The following OR6N1 variants were observed in gnomAD, a reference collection of about 807,000 sequenced individuals.
The protein encoded by OR6N1 is olfactory receptor 6N1.
For missense variants in OR6N1, 394 were observed against 371.7 expected (o/e 1.06, Z -0.49); for synonymous variants, 170 against 150.7 (o/e 1.13, Z -0.94).
In OR6N1 at chr1:158,765,543, T is replaced by C. The variant is rs1433410373; in HGVS notation, c.*201A>G. ...ATGTTGAAGGGATGTGTACTTTCCCTAGTCTCTGGTCTCAAGCCAAATGTG... is the reference window on the plus strand; with the variant it reads ...ATGTTGAAGGGATGTGTACTTTCCCCAGTCTCTGGTCTCAAGCCAAATGTG... On this transcript the variant is annotated 3_prime_UTR_variant, in exon 2 of 2. Transcript: ENST00000641846. 1.8e-6 allele frequency: 1 copy of C among 545,240 alleles called. No homozygotes were observed. Among genetic ancestry groups the C allele is most frequent in the East Asian group, 2.9e-5 (1 of 34,732 alleles). The allele number at this position is 545,240 out of a possible 1,614,324, so 33.8% of individuals were successfully genotyped here.
Position 158,766,136 on chromosome 1 carries a change from G to A in OR6N1, c.547C>T (p.Pro183Ser). 3 of 1,614,192 alleles carry A rather than the reference G, an allele frequency of 1.9e-6. No homozygotes were observed. The highest frequency in any genetic ancestry group is 2.5e-6 in the Non-Finnish European group (3 of 1,180,042). Residue 183 changes from proline (P) to serine (S), a missense_variant, in exon 2 of 2, where the codon CCT becomes TCT. Transcript: ENST00000641846. ...TCAGTGCAAGCCAAACTCAGCACAGGAGGGAAGTCACAAAAGACGTGCTGA... is the reference window on the plus strand; with the variant it reads ...TCAGTGCAAGCCAAACTCAGCACAGAAGGGAAGTCACAAAAGACGTGCTGA... Reference protein sequence around the residue: ...RIQHVFCDFPPVLSLACTDTS... With the variant: ...RIQHVFCDFPSVLSLACTDTS...
At chr1:158,797,886 T>C in the OR6N1 span, among the ~76,000 whole-genome samples, 1 of 152,196 alleles carries the variant, frequency 6.6e-6, no homozygotes, top group African/African-American at 2.4e-5. Flanking sequence ...TAGATAGAAC[T>C]CACTTATTAA....
chr1:158,823,843 T>A, the OR6N1 span, among the ~76,000 whole-genome samples: 5 of 152,188 alleles, frequency 3.3e-5, no homozygotes, highest in African/African-American at 7.2e-5. Flanking sequence ...GATGAGGGCA[T>A]TTAGTGCTAT....
the OR6N1 span, among the ~76,000 whole-genome samples, chr1:158,829,140 G>T: frequency 6.6e-6 from 1 of 152,246 alleles, no homozygotes; most frequent in East Asian, 1.9e-4. Flanking sequence ...TCCCTGACAC[G>T]CCCTGGAGAT....
the OR6N1 span, among the ~76,000 whole-genome samples, chr1:158,813,573 T>C: frequency 6.6e-6 from 1 of 152,150 alleles, no homozygotes; most frequent in Non-Finnish European, 1.5e-5. Context: ...AGTTGTTTCC[T>C]ATTGTGAATA....
chr1:158,824,971 C>T, the OR6N1 span, among the ~76,000 whole-genome samples: 67 of 152,198 alleles, frequency 4.4e-4, no homozygotes, highest in Admixed American at 1.6e-3. Context: ...ACAAATGAAA[C>T]CTAGTTAAAG....
upstream of OR6N1, among the ~76,000 whole-genome samples, chr1:158,773,421 T>C (rs746314581): frequency 3.3e-5 from 5 of 152,166 alleles, no homozygotes; most frequent in African/African-American, 4.8e-5. Flanking sequence ...TCTGTCAGTT[T>C]CATTTCAATT....
chr1:158,779,560 T>C, the OR6N1 span, among the ~76,000 whole-genome samples: 2 of 152,260 alleles, frequency 1.3e-5, no homozygotes, highest in Admixed American at 1.3e-4. Context: ...CTGGGTTTGA[T>C]ATTTTAGAAT....
the OR6N1 span, chr1:158,781,048 TCA>T: frequency 6.6e-6 from 1 of 152,216 alleles, no homozygotes. Context: ...GTTGCTTAAC[TCA>T]CATTTTCACT....
chr1:158,777,672 G>T, the OR6N1 span: 1 of 1,355,204 alleles, frequency 7.4e-7, no homozygotes, highest in Non-Finnish European at 1.0e-6. Flanking sequence ...AGAAAACATT[G>T]GATTGAGATG....
At chr1:158,769,033 T>G (rs1393928958) in intron 1 of OR6N1, among the ~76,000 whole-genome samples, 3 of 152,220 alleles carry the variant, frequency 2.0e-5, no homozygotes, top group African/African-American at 7.2e-5. Context: ...TAGTTACAAC[T>G]CAATAAATAT....
the OR6N1 span, among the ~76,000 whole-genome samples, chr1:158,829,129 G>A: frequency 2.0e-3 from 312 of 152,266 alleles, 2 homozygotes; most frequent in African/African-American, 6.9e-3. Context: ...TGCTATACAC[G>A]TCCCTGACAC....
the OR6N1 span, among the ~76,000 whole-genome samples, chr1:158,817,165 G>A: frequency 6.6e-6 from 1 of 152,164 alleles, no homozygotes; most frequent in African/African-American, 2.4e-5. Context: ...AGAAATATAA[G>A]AAGCAAAAAT....
upstream of OR6N1, chr1:158,777,073 G>C: frequency 6.2e-7 from 1 of 1,614,088 alleles, no homozygotes. Flanking sequence ...GTCCTTGCAG[G>C]CCAAGCTCAG....
chr1:158,799,269 G>A, the OR6N1 span, among the ~76,000 whole-genome samples: 9 of 152,210 alleles, frequency 5.9e-5, no homozygotes, highest in East Asian at 1.7e-3. Context: ...AAGAAATGAC[G>A]AACGTACCCA....
rs1279754938 is a variant in OR6N1 at position 158,766,344 on chromosome 1, A to T, written c.339T>A (p.Tyr113Ter). The change falls in exon 2 of 2, where the codon TAT becomes TAA. Residue 113 changes from tyrosine to a stop codon, truncating the protein, a stop_gained. Coordinates refer to ENST00000641846, the MANE Select transcript of OR6N1 (RefSeq NM_001005185.2). LOFTEE classifies it low-confidence loss of function (END_TRUNC). ...FFHSLGATEC[Y>*]LLTAMAYDRY... ...TATCGTAGGCCATAGCTGTCAGGAG[A>T]TAGCACTCAGTCGCTCCAAGGGAGT... 13 of 1,613,992 alleles carry T rather than the reference A, an allele frequency of 8.1e-6. No homozygotes were observed. Among genetic ancestry groups the T allele is most frequent in the Non-Finnish European group, 1.1e-5 (13 of 1,180,034 alleles).
chr1:158,799,223 T>G, the OR6N1 span, among the ~76,000 whole-genome samples: 3 of 152,166 alleles, frequency 2.0e-5, no homozygotes, highest in African/African-American at 7.2e-5. Flanking sequence ...GGAGAAAGCT[T>G]AAAAAGACTG....
intron 1 of OR6N1, among the ~76,000 whole-genome samples, chr1:158,768,033 G>C (rs1354048950): frequency 2.0e-5 from 3 of 151,654 alleles, no homozygotes; most frequent in African/African-American, 7.3e-5. Flanking sequence ...TGATTCTCGG[G>C]GTACTATACT....
At chr1:158,807,017 A>AG in the OR6N1 span, among the ~76,000 whole-genome samples, 9 of 151,330 alleles carry the variant, frequency 5.9e-5, no homozygotes, top group Non-Finnish European at 1.0e-4. Context: ...AAAAAAAAAA[A>AG]AAAAAAAAGT....
Sources: gnomAD v4.1 joint callset for allele counts (sites outside exome capture counted in the v4.1 genomes callset) on GRCh38, gnomAD v4.1.1 for gene constraint, MANE v1.5 for transcripts, NCBI Gene and HGNC (gene_info 2026-07-23, HGNC 2026-07-21) for gene names.